The following B4GALT1 variants were observed in gnomAD, a reference collection of about 807,000 sequenced individuals.
B4GALT1 encodes the protein N-acetyllactosamine synthase.
A neutral mutation model predicts 34.9 loss-of-function variants in B4GALT1; 16 were observed. The ratio of observed to expected loss-of-function variants is 0.46; its 90% CI spans 0.31 to 0.70. The LOEUF is 0.70. Among genes scored for constraint, B4GALT1 ranks in the 30% least tolerant of loss-of-function variants. The pLI is 0.05. For missense variants in B4GALT1, 445 were observed against 530.5 expected (o/e 0.84, Z 1.58); for synonymous variants, 221 against 218.1 (o/e 1.01, Z -0.12).
At chr9:33,172,298 G>A (rs529870989), upstream of B4GALT1, among the ~76,000 whole-genome samples, 6 of 152,260 alleles carry the variant, frequency 3.9e-5, 1 homozygote, top group East Asian at 9.6e-4. Context: ...TAAGTAACTG[G>A]TGGAAGGAAA....
chr9:33,129,075 C>T (rs1840154998), intron 2 of B4GALT1, among the ~76,000 whole-genome samples: 1 of 152,188 alleles, frequency 6.6e-6, no homozygotes, highest in Admixed American at 6.5e-5. Flanking sequence ...TCCATTTCTC[C>T]ACAGCCTTTC....
At chr9:33,129,092 G>C (rs535265879) in intron 2 of B4GALT1, among the ~76,000 whole-genome samples, 109 of 152,278 alleles carry the variant, frequency 7.2e-4, no homozygotes, top group Non-Finnish European at 9.1e-4. Context: ...TTTCAGGCAG[G>C]CTCCAGCTCT....
chr9:33,137,837 G>A (rs565666670), intron 1 of B4GALT1, among the ~76,000 whole-genome samples: 1 of 152,292 alleles, frequency 6.6e-6, no homozygotes, highest in Admixed American at 6.5e-5. Context: ...TCCCCACAAG[G>A]TCAGCCAGGC....
the B4GALT1 span, among the ~76,000 whole-genome samples, chr9:33,181,423 T>TACACACACCC: frequency 7.3e-6 from 1 of 137,052 alleles, no homozygotes; most frequent in African/African-American, 2.8e-5. Flanking sequence ...GACCCTGTCT[T>TACACACACCC]ACACACACAC....
At chr9:33,175,095 T>C in the B4GALT1 span, among the ~76,000 whole-genome samples, 6 of 139,626 alleles carry the variant, frequency 4.3e-5, no homozygotes, top group South Asian at 7.1e-4. Context: ...GAAGGCTGCT[T>C]GAGGCCAGAA....
chr9:33,164,908 T>A (rs1041421678), intron 1 of B4GALT1, among the ~76,000 whole-genome samples: 2 of 152,262 alleles, frequency 1.3e-5, no homozygotes, highest in Middle Eastern at 3.4e-3. Flanking sequence ...AATGAAACTT[T>A]TTAAAGATCC....
At chr9:33,136,348 G>A (rs1840272581) in intron 1 of B4GALT1, among the ~76,000 whole-genome samples, 1 of 152,094 alleles carries the variant, frequency 6.6e-6, no homozygotes, top group African/African-American at 2.4e-5. Context: ...TCACATACCG[G>A]GTATGTGGTA....
chr9:33,170,709 GCAGT>G (rs1840833123), upstream of B4GALT1, among the ~76,000 whole-genome samples: 1 of 152,226 alleles, frequency 6.6e-6, no homozygotes, highest in South Asian at 2.1e-4. Flanking sequence ...GCACCTAGAA[GCAGT>G]CAATTACAAA....
chr9:33,123,339 T>C (rs1265087908), intron 2 of B4GALT1, among the ~76,000 whole-genome samples: 1 of 149,566 alleles, frequency 6.7e-6, no homozygotes, highest in Non-Finnish European at 1.5e-5. Flanking sequence ...AATTATGAAG[T>C]TGTTGGAATT....
At chr9:33,167,522 C>A (rs1303698677), upstream of B4GALT1, among the ~76,000 whole-genome samples, 2 of 152,284 alleles carry the variant, frequency 1.3e-5, no homozygotes, top group Admixed American at 6.5e-5. Flanking sequence ...GTGGGGTCCC[C>A]GGAGTATGAC....
chr9:33,167,089 C>T lies in B4GALT1; in HGVS notation c.81G>A (p.Val27=). The part of the protein sequence containing the change: ...ASLQRACRLL[V]AVCALHLGVT... The stretch of plus-strand genomic sequence containing the variant: ...CGCCAAGGTGCAGAGCGCAGACGGC[C>T]ACGAGCAGGCGGCAGGCCCGCTGTA... The change falls in exon 1 of 6, where the codon GTG becomes GTA. Residue 27 remains valine (V), a synonymous_variant. Coordinates refer to ENST00000379731, the MANE Select transcript of B4GALT1 (RefSeq NM_001497.4). The T allele has an allele frequency of 6.2e-7, 1 of 1,604,702 alleles. No homozygotes were observed. The highest frequency in any genetic ancestry group is 1.7e-5 in the Admixed American group (1 of 59,814).
downstream of B4GALT1, among the ~76,000 whole-genome samples, chr9:33,109,371 T>C (rs185709127): frequency 1.4e-3 from 209 of 152,328 alleles, no homozygotes; most frequent in African/African-American, 4.7e-3. Context: ...CGGTTCTTCA[T>C]CAGTATCCTT....
At chr9:33,154,548 T>C (rs1337881104) in intron 1 of B4GALT1, among the ~76,000 whole-genome samples, 1 of 152,246 alleles carries the variant, frequency 6.6e-6, no homozygotes, top group Non-Finnish European at 1.5e-5. Context: ...GAAGTATTTT[T>C]ACCATGGTTG....
chr9:33,150,380 A>G (rs1188559499), intron 1 of B4GALT1, among the ~76,000 whole-genome samples: 1 of 150,368 alleles, frequency 6.7e-6, no homozygotes, highest in Admixed American at 6.6e-5. Flanking sequence ...ACTTTTCTGT[A>G]AGTCTGAAGT....
At chr9:33,144,473 C>T (rs549038748) in intron 1 of B4GALT1, among the ~76,000 whole-genome samples, 12 of 149,850 alleles carry the variant, frequency 8.0e-5, no homozygotes, top group African/African-American at 2.9e-4. Flanking sequence ...CTCCTGACCT[C>T]ACGATCCACC....
chr9:33,139,046 G>T (rs1050394048), intron 1 of B4GALT1, among the ~76,000 whole-genome samples: 1 of 152,150 alleles, frequency 6.6e-6, no homozygotes, highest in Non-Finnish European at 1.5e-5. Flanking sequence ...CACAGAAGCC[G>T]ATCGAGCACC....
At chr9:33,114,485 T>C (rs1051979529) in intron 4 of B4GALT1, among the ~76,000 whole-genome samples, 8 of 152,168 alleles carry the variant, frequency 5.3e-5, no homozygotes, top group African/African-American at 7.2e-5. Flanking sequence ...CCACAAACGG[T>C]TGCCAGTATC....
intron 3 of B4GALT1, among the ~76,000 whole-genome samples, chr9:33,117,177 A>G (rs1839953124): frequency 6.6e-6 from 1 of 152,046 alleles, no homozygotes; most frequent in South Asian, 2.1e-4. Context: ...CTATCGACCA[A>G]TCCAGCTTTC....
chr9:33,127,046 C>A (rs1434008653), intron 2 of B4GALT1, among the ~76,000 whole-genome samples: 1 of 152,136 alleles, frequency 6.6e-6, no homozygotes, highest in Non-Finnish European at 1.5e-5. Flanking sequence ...ACTGCAAGCT[C>A]CGCCTCCCGG....
Sources: gnomAD v4.1 joint callset for allele counts (sites outside exome capture counted in the v4.1 genomes callset) on GRCh38, gnomAD v4.1.1 for gene constraint, MANE v1.5 for transcripts, NCBI Gene and HGNC (gene_info 2026-07-23, HGNC 2026-07-21) for gene names.